IGF1R: variants seen among roughly 807,000 people sequenced by gnomAD.
IGF1R encodes insulin-like growth factor 1 receptor.
A neutral mutation model predicts 144.6 loss-of-function variants in IGF1R; 44 were observed. That is an observed-to-expected ratio of 0.30 (90% confidence interval 0.24 to 0.39). IGF1R has a LOEUF of 0.39. IGF1R is among the 10% of genes least tolerant of loss of function. The probability of loss-of-function intolerance (pLI) is 1.00; values close to 1 mark genes in which losing one functional copy is unlikely to be tolerated. For synonymous variants in IGF1R, 795 were observed against 722.8 expected (o/e 1.10, Z -1.60); for missense variants, 1,355 against 1,833.7 (o/e 0.74, Z 4.77).
rs35184573 is a variant in IGF1R at position 98,753,230 on chromosome 15, C to CTT, written c.640+45135_640+45136dup. 6.4e-3 allele frequency among the ~76,000 whole-genome samples: 921 copies of CTT among 143,946 alleles called. 7 individuals carry two copies. The highest frequency in any genetic ancestry group is 9.9e-3 in the South Asian group (44 of 4,462). 94.4% of individuals were successfully genotyped at this position (143,946 alleles called of 152,430 possible). On this transcript the variant is annotated intron_variant, in intron 2 of 20. Coordinates refer to ENST00000650285, the MANE Select transcript of IGF1R (RefSeq NM_000875.5). ...ACAGGTGTGAGCCATTACGTCCAGC[C>CTT]TTTTTTTTTTTTTAAATAAAGAGGG...
chr15:98,662,088 T>C (rs1013301910), intron 1 of IGF1R, among the ~76,000 whole-genome samples: 9 of 151,188 alleles, frequency 6.0e-5, no homozygotes, highest in African/African-American at 1.9e-4. Context: ...CAAACAATTC[T>C]TGTGGATCAG....
chr15:98,737,296 G>A (rs971258684), intron 2 of IGF1R, among the ~76,000 whole-genome samples: 12 of 152,152 alleles, frequency 7.9e-5, no homozygotes, highest in Non-Finnish European at 1.3e-4. Flanking sequence ...CTCTGGGGCA[G>A]CATGTTGAAG....
intron 4 of IGF1R, among the ~76,000 whole-genome samples, chr15:98,897,716 C>G (rs577360375): frequency 1.3e-5 from 2 of 152,206 alleles, no homozygotes; most frequent in Non-Finnish European, 2.9e-5. Context: ...GCTGGGACCA[C>G]AGGCACACAC....
chr15:98,924,998 T>A (rs1303068954), intron 13 of IGF1R, among the ~76,000 whole-genome samples: 2 of 77,172 alleles, frequency 2.6e-5, no homozygotes, highest in African/African-American at 7.8e-5. Flanking sequence ...TCAAAGACTT[T>A]TTTTTTTTTT....
At chr15:98,666,547 G>T (rs1322665710) in intron 1 of IGF1R, among the ~76,000 whole-genome samples, 1 of 152,184 alleles carries the variant, frequency 6.6e-6, no homozygotes, top group African/African-American at 2.4e-5. Context: ...GAATATCATT[G>T]AGCCTTAAAA....
intron 11 of IGF1R, chr15:98,923,665 C>G: frequency 3.4e-6 from 2 of 585,762 alleles, no homozygotes; most frequent in Non-Finnish European, 6.1e-6. Flanking sequence ...ATTCTGAACC[C>G]TCCGCTGTGT....
At chr15:98,789,013 G>A (rs975370974) in intron 2 of IGF1R, among the ~76,000 whole-genome samples, 1 of 152,128 alleles carries the variant, frequency 6.6e-6, no homozygotes, top group Middle Eastern at 3.4e-3. Flanking sequence ...GCAGTGGCTT[G>A]CGTGTGTGTA....
chr15:98,864,145 C>T (rs2012304406), intron 2 of IGF1R, among the ~76,000 whole-genome samples: 1 of 152,040 alleles, frequency 6.6e-6, no homozygotes, highest in African/African-American at 2.4e-5. Context: ...GTCCCACTTA[C>T]TTGGGAGGCT....
chr15:98,785,815 C>T (rs2055979310), intron 2 of IGF1R, among the ~76,000 whole-genome samples: 1 of 152,066 alleles, frequency 6.6e-6, no homozygotes, highest in South Asian at 2.1e-4. Flanking sequence ...GAGGGTCTGA[C>T]CATGTGAGGT....
In IGF1R at chr15:98,963,115, C is replaced by T. The variant is rs949469965; in HGVS notation, c.*5673C>T. The stretch of plus-strand genomic sequence containing the variant: ...ATGTTTCATTGCATTTTTGTAAGAA[C>T]AGAATAATTTTATAAAATGTTTGTA... On this transcript the variant is annotated 3_prime_UTR_variant, in exon 21 of 21. Coordinates refer to ENST00000650285, the MANE Select transcript of IGF1R (RefSeq NM_000875.5). 8 of 232,246 alleles carry T rather than the reference C, an allele frequency of 3.4e-5. No homozygotes were observed. Among genetic ancestry groups the T allele is most frequent in the African/African-American group, 1.3e-4 (6 of 45,008 alleles). The allele number at this position is 232,246 out of a possible 1,614,324, so 14.4% of individuals were successfully genotyped here. A position where few individuals can be genotyped will look rare whatever the true frequency, so the allele number is the denominator to read the frequency against.
rs1156237754 is a variant in IGF1R, at chr15:98,652,285, C to G, written c.94+2610C>G. On this transcript the variant is annotated intron_variant, in intron 1 of 20. Coordinates refer to ENST00000650285, the MANE Select transcript of IGF1R (RefSeq NM_000875.5). ...TTTGTTTTTAAAAAGTCAGCATGCA[C>G]TTTAAATTTATTGTACCCATCTCCT... Among the ~76,000 whole-genome samples the G allele has an allele frequency of 2.0e-5, 3 of 152,226 alleles. No individual in the cohort carries two copies. In the East Asian group the frequency reaches 5.8e-4, roughly 29 times the overall value.
At chr15:98,884,795 A>G (rs539434773) in intron 2 of IGF1R, among the ~76,000 whole-genome samples, 6 of 151,684 alleles carry the variant, frequency 4.0e-5, no homozygotes, top group Non-Finnish European at 7.4e-5. Context: ...GATCTGGGCT[A>G]CTGAGGCTAG....
intron 2 of IGF1R, among the ~76,000 whole-genome samples, chr15:98,774,409 G>A (rs1276757620): frequency 6.6e-6 from 1 of 152,220 alleles, no homozygotes; most frequent in Non-Finnish European, 1.5e-5. Flanking sequence ...AGGGACTGCA[G>A]TGTCTATGCT....
At chr15:98,834,550 G>T (rs2057059603) in intron 2 of IGF1R, among the ~76,000 whole-genome samples, 2 of 152,226 alleles carry the variant, frequency 1.3e-5, no homozygotes, top group African/African-American at 4.8e-5. Context: ...GCTCCATTCT[G>T]TTGGGACAAA....
rs139568475 is a variant in IGF1R at position 98,875,563 on chromosome 15, A to C, written c.641-15762A>C. On this transcript the variant is annotated intron_variant, in intron 2 of 20. Transcript: ENST00000650285. ...TGTATGAACTTTTTTTTTTTTTGAG[A>C]ATGGCTTTAGTGTTCAGACCAAGGA... Among the ~76,000 whole-genome samples, 630 of 150,502 alleles carry C rather than the reference A, an allele frequency of 4.2e-3. 3 individuals carry two copies. The highest frequency in any genetic ancestry group is 0.015 in the African/African-American group (605 of 41,024).
intron 2 of IGF1R, among the ~76,000 whole-genome samples, chr15:98,752,024 T>A (rs1469441813): frequency 2.6e-5 from 4 of 152,196 alleles, no homozygotes; most frequent in Non-Finnish European, 5.9e-5. Context: ...AATTAGGGCA[T>A]CAGGCTGTCT....
intron 2 of IGF1R, among the ~76,000 whole-genome samples, chr15:98,785,163 C>T (rs1281201619): frequency 6.6e-6 from 1 of 152,226 alleles, no homozygotes; most frequent in African/African-American, 2.4e-5. Flanking sequence ...TAGTGCCTTA[C>T]AGTAATTAAC....
At chr15:98,870,433 A>C (rs1809694246) in intron 2 of IGF1R, among the ~76,000 whole-genome samples, 1 of 152,226 alleles carries the variant, frequency 6.6e-6, no homozygotes, top group African/African-American at 2.4e-5. Context: ...GATGACATCC[A>C]GCAGGCAGGT....
rs142908659 is a variant in IGF1R, at chr15:98,839,283, T to C, written c.641-52042T>C. On this transcript the variant is annotated intron_variant, in intron 2 of 20. Transcript: ENST00000650285. ...AATTTGGCCAAGGAAGTGCAGCTAG[T>C]AAATGGCAGACCTGGGGTTTGAACC... Among the ~76,000 whole-genome samples the C allele has an allele frequency of 3.3e-3, 498 of 152,316 alleles. 3 individuals are homozygous for C. The highest frequency in any genetic ancestry group is 0.011 in the African/African-American group (472 of 41,580).
Sources: allele counts gnomAD v4.1 joint callset (sites outside exome capture counted in the v4.1 genomes callset), GRCh38; gene constraint gnomAD v4.1.1; transcripts MANE v1.5; gene names NCBI Gene and HGNC (gene_info 2026-07-23, HGNC 2026-07-21).